The following PHACTR3 variants were observed in gnomAD, a reference collection of about 807,000 sequenced individuals.
PHACTR3 encodes the protein protein phosphatase 1, regulatory subunit 123.
A neutral mutation model predicts 66.8 loss-of-function variants in PHACTR3; 16 were observed. The observed-to-expected ratio is 0.24, with a 90% confidence interval of 0.16 to 0.36. PHACTR3 has a LOEUF of 0.36. Among genes scored for constraint, PHACTR3 ranks in the 10% least tolerant of loss-of-function variants. The pLI is 1.00. For synonymous variants in PHACTR3, 323 were observed against 292.1 expected (o/e 1.11, Z -1.08); for missense variants, 647 against 719.9 (o/e 0.90, Z 1.16).
chr20:59,632,860 C>T (rs999124956), intron 1 of PHACTR3, among the ~76,000 whole-genome samples: 2 of 152,230 alleles, frequency 1.3e-5, no homozygotes, highest in African/African-American at 4.8e-5. Context: ...ATCTTCCCAT[C>T]ACTCTTTGGG....
chr20:59,801,232 C>T (rs2041404572), intron 7 of PHACTR3, among the ~76,000 whole-genome samples: 1 of 152,194 alleles, frequency 6.6e-6, no homozygotes, highest in South Asian at 2.1e-4. Flanking sequence ...ATTCCCCCTC[C>T]CTGGATTGTG....
chr20:59,839,703 T>G (rs2145506872), intron 9 of PHACTR3, among the ~76,000 whole-genome samples: 1 of 152,302 alleles, frequency 6.6e-6, no homozygotes, highest in South Asian at 2.1e-4. Flanking sequence ...TAGTCACAAC[T>G]TACCAAGCAA....
intron 1 of PHACTR3, among the ~76,000 whole-genome samples, chr20:59,669,063 A>G (rs528892066): frequency 3.3e-5 from 5 of 152,132 alleles, no homozygotes; most frequent in Admixed American, 2.0e-4. Context: ...CCTAAGTTTT[A>G]GTATAAGACT....
At chr20:59,668,348 A>G (rs1601049364) in intron 1 of PHACTR3, among the ~76,000 whole-genome samples, 1 of 152,176 alleles carries the variant, frequency 6.6e-6, no homozygotes. Flanking sequence ...GTACGCCTGT[A>G]TGGGCTTAGA....
chr20:59,625,856 G>A (rs929145776), intron 1 of PHACTR3, among the ~76,000 whole-genome samples: 2 of 152,262 alleles, frequency 1.3e-5, no homozygotes, highest in African/African-American at 2.4e-5. Context: ...TTCTCTGTTC[G>A]TTTCTGGCTG....
chr20:59,801,342 C>A (rs1035208938), intron 7 of PHACTR3, among the ~76,000 whole-genome samples: 5 of 152,214 alleles, frequency 3.3e-5, no homozygotes, highest in Non-Finnish European at 7.3e-5. Flanking sequence ...TGATTTCTAG[C>A]ACGTTGAAAA....
intron 1 of PHACTR3, among the ~76,000 whole-genome samples, chr20:59,623,707 C>A (rs1382017812): frequency 6.6e-6 from 1 of 152,148 alleles, no homozygotes; most frequent in Non-Finnish European, 1.5e-5. Flanking sequence ...ACCACTGTCC[C>A]TGGCAGAGGA....
At chr20:59,708,850 G>T (rs971963396) in intron 1 of PHACTR3, among the ~76,000 whole-genome samples, 3 of 152,198 alleles carry the variant, frequency 2.0e-5, no homozygotes, top group Non-Finnish European at 4.4e-5. Flanking sequence ...AAGGGACGAT[G>T]AACTGTCAAA....
At chr20:59,643,287 T>G (rs967014533) in intron 1 of PHACTR3, among the ~76,000 whole-genome samples, 3 of 152,196 alleles carry the variant, frequency 2.0e-5, no homozygotes, top group South Asian at 4.1e-4. Context: ...ACAGCGCACA[T>G]TAAATGAGTG....
chr20:59,807,565 A>G (rs993881060), intron 8 of PHACTR3, among the ~76,000 whole-genome samples: 2 of 152,236 alleles, frequency 1.3e-5, no homozygotes, highest in Non-Finnish European at 2.9e-5. Flanking sequence ...TACATACAGC[A>G]GTAACATAGT....
chr20:59,839,305 A>C (rs991322210), intron 9 of PHACTR3, among the ~76,000 whole-genome samples: 2 of 152,204 alleles, frequency 1.3e-5, no homozygotes, highest in African/African-American at 2.4e-5. Context: ...AAAACACCCT[A>C]ATCCAAGATG....
Position 59,774,256 on chromosome 20 carries a change from G to C in PHACTR3, c.940G>C (p.Glu314Gln), listed in dbSNP as rs145552173. Residue 314 changes from glutamate to glutamine, a missense_variant, in exon 7 of 13, where the codon GAA becomes CAA. By Grantham distance (29) the Glu-to-Gln change is conservative (BLOSUM62 2). Coordinates refer to ENST00000371015, the MANE Select transcript of PHACTR3 (RefSeq NM_080672.5). ...TTTCTGGTTTAGTTTTCAAGGAAGA[G>C]AAAGTAAAGGGTCTCCAAAGAAGCG... ...KHRQDSFQGR[E>Q]SKGSPKKRLD... 2 of 1,588,564 alleles carry C rather than the reference G, an allele frequency of 1.3e-6. No homozygotes were observed. Among genetic ancestry groups the C allele is most frequent in the Non-Finnish European group, 1.7e-6 (2 of 1,169,532 alleles).
chr20:59,608,365 C>T (rs1044987314), intron 1 of PHACTR3, among the ~76,000 whole-genome samples: 1 of 152,214 alleles, frequency 6.6e-6, no homozygotes, highest in Non-Finnish European at 1.5e-5. Flanking sequence ...CTCTATAAAT[C>T]CGCACTCTAC....
intron 1 of PHACTR3, among the ~76,000 whole-genome samples, chr20:59,732,206 A>T (rs542432203): frequency 4.0e-4 from 61 of 152,308 alleles, no homozygotes; most frequent in African/African-American, 1.4e-3. Context: ...CTAGAGTTCC[A>T]TGGAAAACAC....
chr20:59,578,680 G>C (rs1279992909), intron 1 of PHACTR3, among the ~76,000 whole-genome samples: 1 of 152,186 alleles, frequency 6.6e-6, no homozygotes, highest in Non-Finnish European at 1.5e-5. Flanking sequence ...TTCCCCACGA[G>C]GCGGTCATGG....
At chr20:59,663,287 G>A (rs188029470) in intron 1 of PHACTR3, among the ~76,000 whole-genome samples, 1 of 152,296 alleles carries the variant, frequency 6.6e-6, no homozygotes, top group African/African-American at 2.4e-5. Context: ...ATCTTGGCAG[G>A]GGAACTATTC....
At chr20:59,724,737 T>C (rs749133022) in intron 1 of PHACTR3, among the ~76,000 whole-genome samples, 4 of 152,202 alleles carry the variant, frequency 2.6e-5, no homozygotes, top group Non-Finnish European at 4.4e-5. Context: ...CCAGTTCCAG[T>C]ACACGCTCTC....
chr20:59,604,517 C>A, upstream of PHACTR3: 2 of 614,288 alleles, frequency 3.3e-6, no homozygotes, highest in Non-Finnish European at 4.0e-6. Flanking sequence ...TGTTTTCCAA[C>A]AGATGCTCCA....
chr20:59,842,068 T>G (rs994332788), intron 11 of PHACTR3, among the ~76,000 whole-genome samples: 1 of 152,124 alleles, frequency 6.6e-6, no homozygotes, highest in Non-Finnish European at 1.5e-5. Flanking sequence ...TTGAGGTATC[T>G]CTGAGAACCT....
Sources: gnomAD v4.1 joint callset for allele counts (sites outside exome capture counted in the v4.1 genomes callset) on GRCh38, gnomAD v4.1.1 for gene constraint, MANE v1.5 for transcripts, NCBI Gene and HGNC (gene_info 2026-07-23, HGNC 2026-07-21) for gene names.